The following PKIA variants were observed in gnomAD, a reference collection of about 807,000 sequenced individuals.
PKIA encodes cAMP-dependent protein kinase inhibitor alpha, also known as PKI-alpha.
Under a neutral mutation model 7.6 loss-of-function variants are expected in PKIA, and 4 were observed. That is an observed-to-expected ratio of 0.52 (90% CI 0.26 to 1.20). The LOEUF is 1.20. Among genes scored for constraint, PKIA ranks in the 50% most tolerant of loss-of-function variants. The pLI is 0.13. For synonymous variants in PKIA, 21 were observed against 30.7 expected (o/e 0.68, Z 1.04); for missense variants, 73 against 86.2 (o/e 0.85, Z 0.61).
At chr8:78,587,439 TTTC>T (rs1807973492) in intron 2 of PKIA, among the ~76,000 whole-genome samples, 1 of 152,204 alleles carries the variant, frequency 6.6e-6, no homozygotes, top group South Asian at 2.1e-4. Flanking sequence ...GCTGCTTTAG[TTTC>T]TTCTTTTGTA....
At chr8:78,565,887 G>T (rs1369619857) in intron 1 of PKIA, among the ~76,000 whole-genome samples, 1 of 151,938 alleles carries the variant, frequency 6.6e-6, no homozygotes, top group Non-Finnish European at 1.5e-5. Flanking sequence ...TATCTGGAGA[G>T]ATTTTAATTG....
intron 1 of PKIA, among the ~76,000 whole-genome samples, chr8:78,528,658 T>TAAAA (rs755210393): frequency 8.3e-6 from 1 of 120,124 alleles, no homozygotes; most frequent in Admixed American, 8.5e-5. Context: ...ACCCTGTCTC[T>TAAAA]AAAAAAAAAA....
At chr8:78,548,414 A>C (rs1806888668) in intron 1 of PKIA, among the ~76,000 whole-genome samples, 1 of 152,136 alleles carries the variant, frequency 6.6e-6, no homozygotes, top group Non-Finnish European at 1.5e-5. Flanking sequence ...GGAGTTAATA[A>C]AAACTGCAGC....
intron 2 of PKIA, among the ~76,000 whole-genome samples, chr8:78,588,949 G>A (rs140468393): frequency 8.6e-4 from 130 of 151,870 alleles, no homozygotes; most frequent in African/African-American, 3.1e-3. Context: ...AAAATGCAGA[G>A]TTAAAAGATA....
At chr8:78,559,637 G>A (rs895857357) in intron 1 of PKIA, among the ~76,000 whole-genome samples, 1 of 152,192 alleles carries the variant, frequency 6.6e-6, no homozygotes, top group Admixed American at 6.5e-5. Context: ...GTGTGATGGA[G>A]ATAGAGGCTA....
chr8:78,525,164 G>C (rs1337752332), intron 1 of PKIA, among the ~76,000 whole-genome samples: 1 of 151,584 alleles, frequency 6.6e-6, no homozygotes, highest in Non-Finnish European at 1.5e-5. Flanking sequence ...TGCACCATCT[G>C]TTTACCCAGG....
At chr8:78,591,089 TTCTC>T (rs1312054920) in intron 2 of PKIA, 1 of 152,450 alleles carries the variant, frequency 6.6e-6, no homozygotes, top group African/African-American at 2.4e-5. Context: ...GCTGATGACA[TTCTC>T]TCCATTCTTT....
At chr8:78,520,211 A>G (rs1393252852) in intron 1 of PKIA, among the ~76,000 whole-genome samples, 6 of 152,188 alleles carry the variant, frequency 3.9e-5, no homozygotes, top group Non-Finnish European at 1.5e-5. Flanking sequence ...TTCTCAATAT[A>G]TGTGCAAATG....
At chr8:78,547,631 T>G (rs1219317529) in intron 1 of PKIA, among the ~76,000 whole-genome samples, 1 of 152,184 alleles carries the variant, frequency 6.6e-6, no homozygotes, top group Non-Finnish European at 1.5e-5. Flanking sequence ...TTTAAAGACA[T>G]AAGATGAGTA....
chr8:78,539,675 AAT>A (rs1224939847), intron 1 of PKIA, among the ~76,000 whole-genome samples: 1 of 152,052 alleles, frequency 6.6e-6, no homozygotes, highest in African/African-American at 2.4e-5. Flanking sequence ...AAAAATGAAG[AAT>A]ATGTGATTAT....
intron 1 of PKIA, among the ~76,000 whole-genome samples, chr8:78,572,539 A>ACG (rs35733862): frequency 7.1e-6 from 1 of 141,826 alleles, no homozygotes; most frequent in African/African-American, 2.9e-5. Context: ...AAAAAGCTGC[A>ACG]CGCACACACA....
intron 1 of PKIA, among the ~76,000 whole-genome samples, chr8:78,517,896 T>C (rs906452479): frequency 1.3e-5 from 2 of 152,208 alleles, no homozygotes; most frequent in Non-Finnish European, 2.9e-5. Flanking sequence ...TCTGTTATCT[T>C]TAAACTTAAA....
At chr8:78,572,471 G>T (rs1471814730) in intron 1 of PKIA, among the ~76,000 whole-genome samples, 3 of 148,472 alleles carry the variant, frequency 2.0e-5, no homozygotes, top group African/African-American at 7.5e-5. Context: ...TGCCTTTTTT[G>T]CCCGCTAAAT....
At position 78,568,344 on chromosome 8, in the gene PKIA, T is replaced by C. The variant is rs548922013; in HGVS notation, c.-156-4467T>C. Among the ~76,000 whole-genome samples the C allele has an allele frequency of 9.2e-5, 14 of 152,216 alleles. No homozygotes were observed. In the South Asian group the frequency reaches 2.3e-3, roughly 25 times the overall value. ...TGTGAAAATCAAATCGTAATAACCT[T>C]GTGAACCCTTAGGAAGCCATTTGTC... On this transcript the variant is annotated intron_variant, in intron 1 of 3. Coordinates refer to ENST00000396418, the MANE Select transcript of PKIA (RefSeq NM_006823.4).
At position 78,602,328 on chromosome 8, in the gene PKIA, A is replaced by G. The variant is rs931621864; in HGVS notation, c.*507A>G. 1 of 154,850 alleles carries G rather than the reference A, an allele frequency of 6.5e-6. No individual in the cohort carries two copies. Among genetic ancestry groups the G allele is most frequent in the African/African-American group, 2.4e-5 (1 of 41,444 alleles). 9.6% of individuals were successfully genotyped at this position (154,850 alleles called of 1,614,324 possible). A position where few individuals can be genotyped will look rare whatever the true frequency, so the allele number is the denominator to read the frequency against. On this transcript the variant is annotated 3_prime_UTR_variant, in exon 4 of 4. Coordinates refer to ENST00000396418, the MANE Select transcript of PKIA (RefSeq NM_006823.4). Reference sequence around the variant, plus strand: ...TTTACACTGTTTTGTATTGTACAATATATATGCTCAGCACTGCCCCCTTCT... The same window carrying G: ...TTTACACTGTTTTGTATTGTACAATGTATATGCTCAGCACTGCCCCCTTCT...
At chr8:78,532,509 C>CA (rs531910650) in intron 1 of PKIA, among the ~76,000 whole-genome samples, 20,311 of 101,128 alleles carry the variant, frequency 0.2, 1,978 homozygotes, top group African/African-American at 0.34. Context: ...GACTCCATCT[C>CA]AAAAAAAAAA....
chr8:78,574,214 C>A (rs1400858037), intron 2 of PKIA, among the ~76,000 whole-genome samples: 1 of 151,926 alleles, frequency 6.6e-6, no homozygotes, highest in Non-Finnish European at 1.5e-5. Context: ...ATGATCAAAT[C>A]AGGGTAATTG....
chr8:78,598,277 C>A, intron 2 of PKIA, 81 bp from the exon 3 acceptor site: 1 of 778,910 alleles, frequency 1.3e-6, no homozygotes, highest in Non-Finnish European at 2.0e-6. Context: ...AATTGTTTCA[C>A]ATTCATATAC....
At position 78,601,925 on chromosome 8, in the gene PKIA, T is replaced by A; in HGVS notation, c.*104T>A. ...GTGAAAAGAGGAAAAAGAAAATGGCTGTGCTGCATTGCAGGAACCTGCTCA... is the reference window on the plus strand; with the variant it reads ...GTGAAAAGAGGAAAAAGAAAATGGCAGTGCTGCATTGCAGGAACCTGCTCA... On this transcript the variant is annotated 3_prime_UTR_variant, in exon 4 of 4. Transcript: ENST00000396418. The A allele has an allele frequency of 1.2e-6, 1 of 865,374 alleles. No homozygotes were observed. Among genetic ancestry groups the A allele is most frequent in the Admixed American group, 2.2e-5 (1 of 45,956 alleles). The allele number at this position is 865,374 out of a possible 1,614,324, so 53.6% of individuals were successfully genotyped here. A position where few individuals can be genotyped will look rare whatever the true frequency, so the allele number is the denominator to read the frequency against.
Sources: allele counts gnomAD v4.1 joint callset (sites outside exome capture counted in the v4.1 genomes callset), GRCh38; gene constraint gnomAD v4.1.1; transcripts MANE v1.5; gene names NCBI Gene and HGNC (gene_info 2026-07-23, HGNC 2026-07-21).